RBM10: variants seen among roughly 807,000 people sequenced by gnomAD.
The protein encoded by RBM10 is RNA binding motif protein 10, also known as RNA-binding protein 10.
In RBM10, 1 loss-of-function variant was observed where a neutral mutation model predicts 84.9. That is an observed-to-expected ratio of 0.01 (90% CI 0.00 to 0.06). RBM10 has a LOEUF of 0.06. RBM10 is among the 10% of genes least tolerant of loss of function. RBM10 has a pLI of 1.00. For missense variants in RBM10, 438 were observed against 839.0 expected, an observed-to-expected ratio of 0.52 and a Z score of 5.90; for synonymous variants, 326 against 344.5, an observed-to-expected ratio of 0.95 and a Z score of 0.60.
At chrX:47,168,911 G>A (rs1349878576) in intron 2 of RBM10, among the ~76,000 whole-genome samples, 3 of 111,438 alleles carry the variant, frequency 2.7e-5, no homozygotes, top group African/African-American at 9.8e-5. Flanking sequence ...CACAACCAAG[G>A]TGCCCCATGA....
Position 47,171,024 on chromosome X carries a change from C to T in RBM10, c.202-4C>T, listed in dbSNP as rs1934609038. ...GGTGTCACTCATCTCATTCTGTCGG[C>T]CAGGATTCCTACGAGGCCTCCCCGG... On this transcript the variant is annotated splice_region_variant and splice_polypyrimidine_tract_variant and intron_variant, in intron 3 of 23. Coordinates refer to ENST00000377604, the MANE Select transcript of RBM10 (RefSeq NM_005676.5). 1 of 1,208,532 alleles carries T rather than the reference C, an allele frequency of 8.3e-7. No homozygotes were observed. The highest frequency in any genetic ancestry group is 1.7e-5 in the African/African-American group (1 of 57,143).
In RBM10 at chrX:47,181,312, G is replaced by A. The variant is rs1334692565; in HGVS notation, c.1346G>A (p.Gly449Asp). The A allele has an allele frequency of 2.5e-6, 3 of 1,188,839 alleles. No individual in the cohort carries two copies. Among genetic ancestry groups the A allele is most frequent in the Non-Finnish European group, 3.4e-6 (3 of 884,415 alleles). The stretch of plus-strand genomic sequence containing the variant: ...GATGAGGGCTATGGCAACAGCCAGG[G>A]CACAGAGTCTTCCCTCTATGCCCAT... Reference protein sequence around the residue: ...QQDEGYGNSQGTESSLYAHGY... With the variant: ...QQDEGYGNSQDTESSLYAHGY... The change falls in exon 13 of 24, where the codon GGC becomes GAC. Residue 449 changes from glycine to aspartate, a missense_variant. This residue lies in a region of RBM10 where 97 missense variants were observed against 110.3 expected (regional missense o/e 0.88). Coordinates refer to ENST00000377604, the MANE Select transcript of RBM10 (RefSeq NM_005676.5).
At chrX:47,172,766 C>T (rs1253812556) in intron 4 of RBM10, among the ~76,000 whole-genome samples, 1 of 112,427 alleles carries the variant, frequency 8.9e-6, no homozygotes, top group African/African-American at 3.2e-5. Flanking sequence ...CCCAGGTTTC[C>T]TTACTTCGTG....
intron 6 of RBM10, 31 bp from the exon 7 acceptor site, chrX:47,176,469 G>A (rs782509899): frequency 8.3e-7 from 1 of 1,210,713 alleles, no homozygotes; most frequent in Admixed American, 2.2e-5. Context: ...ACTGCTGCCT[G>A]GACCTCACTG....
At chrX:47,156,293 CA>C (rs1450654029) in intron 2 of RBM10, among the ~76,000 whole-genome samples, 1 of 111,366 alleles carries the variant, frequency 9.0e-6, no homozygotes, top group Non-Finnish European at 1.9e-5. Context: ...TAAGGTGATA[CA>C]TTTTTTTCTT....
chrX:47,171,289 G>A (rs1934648779), intron 4 of RBM10, 31 bp downstream of exon 4: 3 of 1,204,395 alleles, frequency 2.5e-6, no homozygotes, highest in Non-Finnish European at 3.4e-6. Flanking sequence ...CGGGCAGGAG[G>A]CCAGGCTGGG....
chrX:47,175,823 C>T (rs1446814342), intron 6 of RBM10, among the ~76,000 whole-genome samples: 3 of 110,184 alleles, frequency 2.7e-5, no homozygotes, highest in African/African-American at 9.9e-5. Flanking sequence ...TTGGGACCTC[C>T]GAGACCCAAA....
intron 2 of RBM10, among the ~76,000 whole-genome samples, chrX:47,162,832 C>T (rs1556767234): frequency 9.3e-6 from 1 of 108,002 alleles, no homozygotes; most frequent in Non-Finnish European, 1.9e-5. Context: ...GATGGCGCCA[C>T]CGCACTCCAG....
chrX:47,147,625 C>T, intron 2 of RBM10, 127 bp downstream of exon 2: 1 of 889,827 alleles, frequency 1.1e-6, no homozygotes, highest in East Asian at 3.2e-5. Flanking sequence ...GGTTTCTTTT[C>T]AGCAGACAGG....
chrX:47,186,441 A>G (rs1313908981), intron 23 of RBM10, 33 bp from the exon 24 acceptor site: 24 of 1,200,853 alleles, frequency 2.0e-5, no homozygotes, highest in Non-Finnish European at 2.7e-5. Context: ...AGCATCCCCC[A>G]CCAGCCTGAC....
intron 2 of RBM10, among the ~76,000 whole-genome samples, chrX:47,166,476 T>A (rs1556769092): frequency 9.0e-6 from 1 of 110,836 alleles, no homozygotes; most frequent in South Asian, 3.8e-4. Flanking sequence ...TCTCTCTTTT[T>A]TTTTTTTCTT....
chrX:47,182,394 C>T (rs1334126062), intron 17 of RBM10, 68 bp downstream of exon 17: 7 of 1,155,393 alleles, frequency 6.1e-6, no homozygotes, highest in Non-Finnish European at 8.1e-6. Context: ...ACTCTGTCAG[C>T]TCTTGCCCTC....
In RBM10 at chrX:47,145,374, C is replaced by A; in HGVS notation, c.-237C>A. On this transcript the variant is annotated 5_prime_UTR_variant, in exon 1 of 24. Transcript: ENST00000377604. Reference sequence around the variant, plus strand: ...CCTCCCCCCGATCTGCCTCCAGTCTCGGACTTGGTTGTTGCGCGCTCCGGC... The same window carrying A: ...CCTCCCCCCGATCTGCCTCCAGTCTAGGACTTGGTTGTTGCGCGCTCCGGC... The A allele has an allele frequency of 9.3e-7, 1 of 1,071,371 alleles. No individual in the cohort carries two copies. Among genetic ancestry groups the A allele is most frequent in the Non-Finnish European group, 1.3e-6 (1 of 796,086 alleles). 88.3% of individuals were successfully genotyped at this position (1,071,371 alleles called of 1,213,427 possible). A position where few individuals can be genotyped will look rare whatever the true frequency, so the allele number is the denominator to read the frequency against.
chrX:47,174,978 T>C (rs1210825522), intron 5 of RBM10, 41 bp from the exon 6 acceptor site: 2 of 1,160,778 alleles, frequency 1.7e-6, no homozygotes, highest in Non-Finnish European at 2.4e-6. Flanking sequence ...TCCAAAGCTG[T>C]TGACTAACCC....
At chrX:47,171,370 C>A (rs1934658403) in intron 4 of RBM10, 112 bp downstream of exon 4, 4 of 1,069,101 alleles carry the variant, frequency 3.7e-6, no homozygotes, top group Admixed American at 5.5e-5. Flanking sequence ...CATCCCTTCT[C>A]CCCCTCCAGC....
At chrX:47,165,844 A>AC (rs1436619591) in intron 2 of RBM10, among the ~76,000 whole-genome samples, 3 of 109,920 alleles carry the variant, frequency 2.7e-5, no homozygotes, top group Non-Finnish European at 5.7e-5. Flanking sequence ...GCATAGTGAA[A>AC]CCCCGTCTCT....
In RBM10 at chrX:47,171,161, G is replaced by GGGA. The variant is rs781822942; in HGVS notation, c.357_359dup (p.Glu119dup). On this transcript the variant is annotated inframe_insertion, in exon 4 of 24. Transcript: ENST00000377604. Reference sequence around the variant, plus strand: ...GACCAGGACTATCGGACCGAGCAAGGGGAGGAGGAGGAGGAGGAGGAGGAT... The same window carrying GGGA: ...GACCAGGACTATCGGACCGAGCAAGGGGAGGAGGAGGAGGAGGAGGAGGAGGAT... The GGGA allele has an allele frequency of 6.6e-5, 79 of 1,205,158 alleles. No individual in the cohort carries two copies. Among genetic ancestry groups the GGGA allele is most frequent in the South Asian group, 3.4e-4 (19 of 56,057 alleles).
Position 47,186,321 on chromosome X carries a change from G to C in RBM10, c.2601G>C (p.Gln867His). The C allele has an allele frequency of 8.3e-7, 1 of 1,204,069 alleles. No individual in the cohort carries two copies. The highest frequency in any genetic ancestry group is 1.1e-6 in the Non-Finnish European group (1 of 891,293). The change falls in exon 23 of 24, where the codon CAG (glutamine) becomes CAC (histidine). Residue 867 changes from glutamine (Q) to histidine (H), a missense_variant. Transcript: ENST00000377604. ...ACAACATTGGCAGTCGGATGCTGCA[G>C]GCCATGGGCTGGAAAGAGGGCAGCG... ...GSDNIGSRML[Q>H]AMGWKEGSGL...
rs976555482 is a variant in RBM10 at position 47,185,597 on chromosome X, C to T, written c.2322C>T (p.Leu774=). 3.2e-5 allele frequency: 39 copies of T among 1,204,670 alleles called. No homozygotes were observed. Among genetic ancestry groups the T allele is most frequent in the Non-Finnish European group, 4.0e-5 (36 of 892,239 alleles). ...GCCAGTTCCCCAGCAAAGAGGCGCTCATCCGGCACCAGCAGCTCTCAGGGC... is the reference window on the plus strand; with the variant it reads ...GCCAGTTCCCCAGCAAAGAGGCGCTTATCCGGCACCAGCAGCTCTCAGGGC... ...CRRQFPSKEA[L]IRHQQLSGLH... The change falls in exon 20 of 24, where the codon CTC becomes CTT. Residue 774 remains leucine (L), a synonymous_variant. Transcript: ENST00000377604.
Sources: allele counts gnomAD v4.1 joint callset (sites outside exome capture counted in the v4.1 genomes callset), GRCh38; gene constraint gnomAD v4.1.1; regional missense constraint gnomAD v4.1.1; transcripts MANE v1.5; gene names NCBI Gene and HGNC (gene_info 2026-07-23, HGNC 2026-07-21).